The following RTKN2 variants were observed in gnomAD, a reference collection of about 807,000 sequenced individuals.
RTKN2 encodes the protein rhotekin-2.
A neutral mutation model predicts 71.5 loss-of-function variants in RTKN2; 69 were observed. The ratio of observed to expected loss-of-function variants is 0.96; its 90% CI spans 0.79 to 1.18. The LOEUF (loss-of-function observed/expected upper bound fraction) is 1.18, where lower values mean the gene tolerates loss of function less well. Among genes scored for constraint, RTKN2 ranks in the 50% most tolerant of loss-of-function variants. The pLI is 0.00. For missense variants in RTKN2, 724 were observed against 719.7 expected (o/e 1.01, Z -0.07); for synonymous variants, 236 against 236.5 (o/e 1.00, Z 0.02).
intron 2 of RTKN2, among the ~76,000 whole-genome samples, chr10:62,257,197 G>T (rs754334686): frequency 6.6e-6 from 1 of 152,190 alleles, no homozygotes; most frequent in African/African-American, 2.4e-5. Context: ...AATCCTCACA[G>T]TAATCCTGTG....
intron 8 of RTKN2, among the ~76,000 whole-genome samples, chr10:62,185,160 C>G (rs1270730898): frequency 6.6e-6 from 1 of 151,948 alleles, no homozygotes; most frequent in Non-Finnish European, 1.5e-5. Context: ...CTTGTCACTC[C>G]TTATTTCTAT....
chr10:62,229,050 C>G (rs770833667), intron 6 of RTKN2, among the ~76,000 whole-genome samples: 4 of 152,100 alleles, frequency 2.6e-5, no homozygotes, highest in Non-Finnish European at 5.9e-5. Flanking sequence ...TCAAGTGAGA[C>G]CAGGAAGTAT....
chr10:62,249,311 T>C (rs1274521423), intron 2 of RTKN2, among the ~76,000 whole-genome samples: 1 of 128,192 alleles, frequency 7.8e-6, no homozygotes, highest in Non-Finnish European at 1.6e-5. Flanking sequence ...GTATTGTTTT[T>C]ACAAAGCCAA....
chr10:62,215,035 G>C (rs1589346151), intron 9 of RTKN2: 1 of 1,473,576 alleles, frequency 6.8e-7, no homozygotes, highest in Non-Finnish European at 9.2e-7. Context: ...CTACCTTAAA[G>C]GACTGAGATA....
At chr10:62,261,270 T>C (rs1395282759) in intron 2 of RTKN2, among the ~76,000 whole-genome samples, 1 of 152,210 alleles carries the variant, frequency 6.6e-6, no homozygotes, top group East Asian at 1.9e-4. Context: ...GGTTTTTGTA[T>C]ATATAAAATC....
At chr10:62,184,643 G>C (rs1022043954) in intron 8 of RTKN2, among the ~76,000 whole-genome samples, 1 of 152,216 alleles carries the variant, frequency 6.6e-6, no homozygotes, top group African/African-American at 2.4e-5. Flanking sequence ...GATTGGTTGG[G>C]AGCATGGCTT....
intron 2 of RTKN2, among the ~76,000 whole-genome samples, chr10:62,261,297 A>G (rs1842769579): frequency 6.6e-6 from 1 of 152,194 alleles, no homozygotes; most frequent in African/African-American, 2.4e-5. Context: ...TTCAAAATGT[A>G]AATATTATCA....
intron 9 of RTKN2, among the ~76,000 whole-genome samples, chr10:62,215,326 G>C (rs1841746564): frequency 6.6e-6 from 1 of 151,878 alleles, no homozygotes; most frequent in Non-Finnish European, 1.5e-5. Flanking sequence ...AACTGGCCTG[G>C]ACTTTTAAAA....
At chr10:62,251,375 CAT>C (rs1269434887) in intron 2 of RTKN2, among the ~76,000 whole-genome samples, 1 of 152,076 alleles carries the variant, frequency 6.6e-6, no homozygotes, top group Non-Finnish European at 1.5e-5. Flanking sequence ...TAGGAAAAAA[CAT>C]AGTGTGCATA....
chr10:62,226,260 T>C (rs1479756579), intron 6 of RTKN2, among the ~76,000 whole-genome samples: 1 of 152,246 alleles, frequency 6.6e-6, no homozygotes, highest in Non-Finnish European at 1.5e-5. Flanking sequence ...CTAGGTGTTA[T>C]GTTTCATAAA....
intron 2 of RTKN2, chr10:62,259,300 G>T: frequency 2.9e-6 from 1 of 350,378 alleles, no homozygotes; most frequent in Non-Finnish European, 5.8e-6. Context: ...GGGTATATCT[G>T]TATTAACAGT....
intron 6 of RTKN2, among the ~76,000 whole-genome samples, chr10:62,229,938 C>A (rs4979760): frequency 0.89 from 135,613 of 152,178 alleles, 60,534 homozygotes; most frequent in East Asian, 0.99. Flanking sequence ...TGATATAGCC[C>A]ACTAACAGAT....
At chr10:62,208,185 T>A (rs2132842060) in intron 9 of RTKN2, among the ~76,000 whole-genome samples, 1 of 152,300 alleles carries the variant, frequency 6.6e-6, no homozygotes, top group East Asian at 1.9e-4. Context: ...TTATTTTGAA[T>A]TAAAACTGTA....
intron 3 of RTKN2, among the ~76,000 whole-genome samples, chr10:62,241,402 T>G (rs1283591580): frequency 2.6e-5 from 4 of 152,200 alleles, no homozygotes; most frequent in Non-Finnish European, 5.9e-5. Flanking sequence ...TAAAAATATA[T>G]TCTTCTTATA....
chr10:62,218,996 C>CAAAGCAAAAACA (rs1554810276), intron 7 of RTKN2, among the ~76,000 whole-genome samples: 1 of 151,426 alleles, frequency 6.6e-6, no homozygotes, highest in Non-Finnish European at 1.5e-5. Context: ...AAAAACAAAG[C>CAAAGCAAAAACA]AAAACAAAAA....
chr10:62,202,659 G>C (rs796190190), intron 10 of RTKN2, among the ~76,000 whole-genome samples: 3 of 152,258 alleles, frequency 2.0e-5, no homozygotes, highest in African/African-American at 7.2e-5. Context: ...CGAGAACCAA[G>C]TTGTCATCAC....
chr10:62,211,359 G>A (rs1209717496), intron 9 of RTKN2, among the ~76,000 whole-genome samples: 1 of 152,088 alleles, frequency 6.6e-6, no homozygotes, highest in Non-Finnish European at 1.5e-5. Context: ...TCCACAGATG[G>A]CTCCCTATGA....
At chr10:62,227,879 G>A (rs773820379) in intron 6 of RTKN2, among the ~76,000 whole-genome samples, 2 of 152,168 alleles carry the variant, frequency 1.3e-5, no homozygotes, top group Non-Finnish European at 2.9e-5. Context: ...AAGACAGGAT[G>A]TGAAAGCAGG....
At chr10:62,233,493 ATCT>A (rs1392652281) in intron 6 of RTKN2, among the ~76,000 whole-genome samples, 4 of 152,182 alleles carry the variant, frequency 2.6e-5, no homozygotes, top group African/African-American at 9.6e-5. Flanking sequence ...TTGGAAAGAC[ATCT>A]TCTATGACTG....
Sources: allele counts gnomAD v4.1 joint callset (sites outside exome capture counted in the v4.1 genomes callset), GRCh38; gene constraint gnomAD v4.1.1; transcripts MANE v1.5; gene names NCBI Gene and HGNC (gene_info 2026-07-23, HGNC 2026-07-21).